RPS6KC1: variants seen among roughly 807,000 people sequenced by gnomAD.
RPS6KC1 encodes the protein inactive ribosomal protein S6 kinase delta-1.
In RPS6KC1, 54 loss-of-function variants were observed where a neutral mutation model predicts 103.8. The observed-to-expected ratio is 0.52, with a 90% confidence interval of 0.42 to 0.65. The LOEUF (loss-of-function observed/expected upper bound fraction) is 0.65, where lower values mean the gene tolerates loss of function less well. RPS6KC1 is among the 30% of genes least tolerant of loss of function. The pLI is 0.00. For missense variants in RPS6KC1, 1,151 were observed against 1,253.8 expected (o/e 0.92, Z 1.24); for synonymous variants, 439 against 438.7 (o/e 1.00, Z -0.01).
chr1:213,553,741 T>C, the RPS6KC1 span, among the ~76,000 whole-genome samples: 1 of 152,210 alleles, frequency 6.6e-6, no homozygotes. Flanking sequence ...TGTGAGATAC[T>C]ATCTCATTGT....
the RPS6KC1 span, among the ~76,000 whole-genome samples, chr1:213,767,368 A>C: frequency 1.3e-5 from 2 of 152,002 alleles, no homozygotes; most frequent in Non-Finnish European, 2.9e-5. Flanking sequence ...CCCTTATTTT[A>C]CATATGTATA....
chr1:213,457,191 G>A, the RPS6KC1 span, among the ~76,000 whole-genome samples: 3 of 152,198 alleles, frequency 2.0e-5, no homozygotes, highest in African/African-American at 7.2e-5. Flanking sequence ...TGATGTGATT[G>A]TTCTGTTCTT....
At chr1:213,708,659 C>T in the RPS6KC1 span, among the ~76,000 whole-genome samples, 2 of 152,224 alleles carry the variant, frequency 1.3e-5, no homozygotes, top group East Asian at 3.9e-4. Flanking sequence ...CCAGTTTTTG[C>T]CCATTAAGTA....
At chr1:213,693,189 C>T in the RPS6KC1 span, among the ~76,000 whole-genome samples, 3 of 152,204 alleles carry the variant, frequency 2.0e-5, no homozygotes, top group African/African-American at 7.2e-5. Context: ...TTCTCAGCAG[C>T]CAAAGAAGCT....
the RPS6KC1 span, among the ~76,000 whole-genome samples, chr1:213,456,924 T>C: frequency 6.6e-6 from 1 of 152,192 alleles, no homozygotes; most frequent in Non-Finnish European, 1.5e-5. Context: ...CAAGGAAGCT[T>C]GTCAATATTT....
the RPS6KC1 span, among the ~76,000 whole-genome samples, chr1:213,576,973 G>A: frequency 2.0e-5 from 3 of 152,264 alleles, no homozygotes; most frequent in East Asian, 1.9e-4. Context: ...GAGTGGTCTG[G>A]GTAAAAGATC....
the RPS6KC1 span, among the ~76,000 whole-genome samples, chr1:213,701,491 G>T: frequency 6.6e-6 from 1 of 151,766 alleles, no homozygotes; most frequent in Non-Finnish European, 1.5e-5. Context: ...TAATATTCAA[G>T]TATTAGTTCT....
At chr1:213,309,168 G>A in the RPS6KC1 span, among the ~76,000 whole-genome samples, 24 of 151,976 alleles carry the variant, frequency 1.6e-4, no homozygotes, top group East Asian at 3.1e-3. Flanking sequence ...GGTGGCACAC[G>A]CCTGTAGTCC....
the RPS6KC1 span, among the ~76,000 whole-genome samples, chr1:213,522,434 G>T: frequency 6.6e-6 from 1 of 152,190 alleles, no homozygotes; most frequent in Admixed American, 6.5e-5. Flanking sequence ...ATGAGCATTG[G>T]CTTCCACTTA....
chr1:213,353,978 T>A, the RPS6KC1 span, among the ~76,000 whole-genome samples: 2 of 152,172 alleles, frequency 1.3e-5, no homozygotes, highest in Admixed American at 1.3e-4. Context: ...CTGCTCAGAG[T>A]CCCTCACAGT....
intron 5 of RPS6KC1, among the ~76,000 whole-genome samples, chr1:213,119,050 G>T (rs1178046679): frequency 6.6e-6 from 1 of 151,956 alleles, no homozygotes; most frequent in African/African-American, 2.4e-5. Flanking sequence ...TATAACCTAA[G>T]CTGGCTGTTG....
chr1:213,674,862 G>T, the RPS6KC1 span, among the ~76,000 whole-genome samples: 1 of 152,008 alleles, frequency 6.6e-6, no homozygotes, highest in African/African-American at 2.4e-5. Context: ...TCTCATTGTG[G>T]TTCTGATTTT....
At chr1:213,669,530 A>G in the RPS6KC1 span, among the ~76,000 whole-genome samples, 2 of 152,116 alleles carry the variant, frequency 1.3e-5, no homozygotes, top group Non-Finnish European at 2.9e-5. Context: ...AGTTTGAAAC[A>G]TTGTGAGAAT....
At chr1:213,575,273 A>G in the RPS6KC1 span, among the ~76,000 whole-genome samples, 1 of 152,200 alleles carries the variant, frequency 6.6e-6, no homozygotes, top group Admixed American at 6.5e-5. Context: ...CCATGTTAGC[A>G]TTCACAGCTG....
the RPS6KC1 span, among the ~76,000 whole-genome samples, chr1:213,589,937 T>TGGGG: frequency 4.1e-4 from 49 of 119,606 alleles, no homozygotes; most frequent in Middle Eastern, 8.3e-3. Context: ...CAAAAGGTAG[T>TGGGG]GGTGTGTGTG....
At chr1:213,232,576 G>A (rs1032402927) in intron 10 of RPS6KC1, among the ~76,000 whole-genome samples, 3 of 152,236 alleles carry the variant, frequency 2.0e-5, no homozygotes, top group South Asian at 4.1e-4. Context: ...TATTTTGTTC[G>A]CTTGTTCCCT....
At chr1:213,827,785 T>C in the RPS6KC1 span, among the ~76,000 whole-genome samples, 1 of 152,170 alleles carries the variant, frequency 6.6e-6, no homozygotes, top group African/African-American at 2.4e-5. Flanking sequence ...ACTAGTCGGA[T>C]GAGACACCTG....
At chr1:213,470,764 G>T in the RPS6KC1 span, among the ~76,000 whole-genome samples, 1 of 151,738 alleles carries the variant, frequency 6.6e-6, no homozygotes, top group Non-Finnish European at 1.5e-5. Flanking sequence ...GAGACTATGG[G>T]CATGTGCTAC....
chr1:213,696,491 A>G, the RPS6KC1 span, among the ~76,000 whole-genome samples: 1 of 138,940 alleles, frequency 7.2e-6, no homozygotes, highest in South Asian at 2.3e-4. Context: ...AATGAGAGTG[A>G]AACTCCGTCT....
Sources: gnomAD v4.1 joint callset for allele counts (sites outside exome capture counted in the v4.1 genomes callset) on GRCh38, gnomAD v4.1.1 for gene constraint, MANE v1.5 for transcripts, NCBI Gene and HGNC (gene_info 2026-07-23, HGNC 2026-07-21) for gene names.